Variants in PRCC observed in about 807,000 individuals in gnomAD.
PRCC encodes the protein proline rich mitotic checkpoint control factor.
A neutral mutation model predicts 44.0 loss-of-function variants in PRCC; 10 were observed. The ratio of observed to expected loss-of-function variants is 0.23; its 90% CI spans 0.14 to 0.39. The LOEUF (loss-of-function observed/expected upper bound fraction) is 0.39. PRCC is among the 10% of genes least tolerant of loss of function. PRCC has a pLI of 1.00. For synonymous variants in PRCC, 278 were observed against 259.5 expected (o/e 1.07, Z -0.69); for missense variants, 573 against 624.7 (o/e 0.92, Z 0.88).
In PRCC at chr1:156,774,157, C is replaced by CTTTTTTTTTTTTTTT. The variant is rs76271348; in HGVS notation, c.468+5940_468+5954dup. Among the ~76,000 whole-genome samples, 19 of 54,002 alleles carry CTTTTTTTTTTTTTTT rather than the reference C, an allele frequency of 3.5e-4. 3 individuals are homozygous for CTTTTTTTTTTTTTTT. The highest frequency in any genetic ancestry group is 6.0e-4 in the South Asian group (1 of 1,664). 35.4% of individuals were successfully genotyped at this position (54,002 alleles called of 152,430 possible). A position where few individuals can be genotyped will look rare whatever the true frequency, so the allele number is the denominator to read the frequency against. Reference sequence around the variant, plus strand: ...GAGTTTCTTTCTTTTTTTGAGTCACCTTTTTTTTTTTTTTTTTTTTTTTTT... The same window carrying CTTTTTTTTTTTTTTT: ...GAGTTTCTTTCTTTTTTTGAGTCACCTTTTTTTTTTTTTTTTTTTTTTTTTTTTTTTTTTTTTTTT... On this transcript the variant is annotated intron_variant, in intron 1 of 6. Coordinates refer to ENST00000271526, the MANE Select transcript of PRCC (RefSeq NM_005973.5).
At position 156,786,595 on chromosome 1, in the gene PRCC, C is replaced by G. The variant is rs1652251363; in HGVS notation, c.517-13C>G. The stretch of plus-strand genomic sequence containing the variant: ...ATCTTTCTTTCCTCCTATCCCACAC[C>G]TGGGCTCACCAGGGATCCAGTGAGG... On this transcript the variant is annotated splice_polypyrimidine_tract_variant and intron_variant, in intron 2 of 6. Transcript: ENST00000271526. The G allele has an allele frequency of 1.9e-6, 3 of 1,601,154 alleles. No homozygotes were observed. Among genetic ancestry groups the G allele is most frequent in the Non-Finnish European group, 2.6e-6 (3 of 1,170,596 alleles).
chr1:156,775,511 A>AT (rs1185732839), intron 1 of PRCC, among the ~76,000 whole-genome samples: 5 of 132,980 alleles, frequency 3.8e-5, no homozygotes, highest in Non-Finnish European at 6.7e-5. Context: ...GCCGATTTAA[A>AT]ATTTTTTTTT....
intron 4 of PRCC, among the ~76,000 whole-genome samples, chr1:156,792,220 C>T (rs1322739425): frequency 2.6e-5 from 4 of 151,834 alleles, no homozygotes; most frequent in African/African-American, 4.8e-5. Flanking sequence ...TTCTGATCAT[C>T]GCTTTGCCAT....
chr1:156,797,429 G>A, intron 6 of PRCC, 88 bp downstream of exon 6: 1 of 1,507,712 alleles, frequency 6.6e-7, no homozygotes, highest in Non-Finnish European at 9.2e-7. Context: ...AAGCCCAGAT[G>A]CTTATCTTTT....
At position 156,768,218 on chromosome 1, in the gene PRCC, G is replaced by T. The variant is rs188128205; in HGVS notation, c.447G>T (p.Ala149=). Residue 149 remains alanine (A), a synonymous_variant, in exon 1 of 7, where the codon GCG becomes GCT. Transcript: ENST00000271526. ...GGAAAGAGCCCGTGAAGATCGCGGC[G>T]CCGGAGTTGCATAAGGGAGATGTGA... ...KKRKEPVKIA[A]PELHKGDSDS... 6 of 1,543,140 alleles carry T rather than the reference G, an allele frequency of 3.9e-6. No individual in the cohort carries two copies. Among genetic ancestry groups the T allele is most frequent in the African/African-American group, 1.4e-5 (1 of 73,206 alleles).
chr1:156,793,954 CTTTTTTTTTTTTT>C (rs147637460), intron 4 of PRCC, among the ~76,000 whole-genome samples: 3 of 101,436 alleles, frequency 3.0e-5, no homozygotes, highest in Non-Finnish European at 5.8e-5. Context: ...TTCTTTCTTT[CTTTTTTTTTTTTT>C]TTTTTTGGAG....
intron 4 of PRCC, among the ~76,000 whole-genome samples, chr1:156,793,135 A>G (rs1652549502): frequency 6.6e-6 from 1 of 152,204 alleles, no homozygotes; most frequent in African/African-American, 2.4e-5. Flanking sequence ...TTTCCCAGAA[A>G]GGTGTCCATC....
chr1:156,772,249 T>C (rs894942644), intron 1 of PRCC, among the ~76,000 whole-genome samples: 1 of 152,222 alleles, frequency 6.6e-6, no homozygotes, highest in Non-Finnish European at 1.5e-5. Flanking sequence ...TTCTTTCCTT[T>C]TAGAGATCAG....
chr1:156,800,750 C>A lies in PRCC; in HGVS notation c.*290C>A. ...AGGTGTGATAAAATGTTGAACCCTC[C>A]CCACCACCACTTTTTTTTTTTTAAA... On this transcript the variant is annotated 3_prime_UTR_variant, in exon 7 of 7. Coordinates refer to ENST00000271526, the MANE Select transcript of PRCC (RefSeq NM_005973.5). 3.0e-6 allele frequency: 1 copy of A among 334,656 alleles called. No homozygotes were observed. Among genetic ancestry groups the A allele is most frequent in the Non-Finnish European group, 5.5e-6 (1 of 181,268 alleles). The allele number at this position is 334,656 out of a possible 1,614,324, so 20.7% of individuals were successfully genotyped here.
At position 156,797,320 on chromosome 1, in the gene PRCC, G is replaced by T. The variant is rs777304094; in HGVS notation, c.1368G>T (p.Gln456His). The T allele has an allele frequency of 6.2e-7, 1 of 1,614,208 alleles. No individual in the cohort carries two copies. The highest frequency in any genetic ancestry group is 1.1e-5 in the South Asian group (1 of 91,082). ...QPTGQQRRKHQITYLIHQAKE... is the reference protein window; with the variant it reads ...QPTGQQRRKHHITYLIHQAKE... Reference sequence around the variant, plus strand: ...CAGGCCAGCAGCGGCGGAAACACCAGATCACATATCTTATTCATCAGGTGA... The same window carrying T: ...CAGGCCAGCAGCGGCGGAAACACCATATCACATATCTTATTCATCAGGTGA... Residue 456 changes from glutamine to histidine, a missense_variant, in exon 6 of 7, where the codon CAG becomes CAT. Gln to His is a conservative substitution (Grantham distance 24). Coordinates refer to ENST00000271526, the MANE Select transcript of PRCC (RefSeq NM_005973.5).
At chr1:156,796,907 C>T (rs918630709) in intron 5 of PRCC, 1 of 202,236 alleles carries the variant, frequency 4.9e-6, no homozygotes, top group African/African-American at 2.3e-5. Flanking sequence ...CAAACTGTTT[C>T]AGACTGACTG....
At chr1:156,768,948 A>T (rs1210264737) in intron 1 of PRCC, among the ~76,000 whole-genome samples, 1 of 152,186 alleles carries the variant, frequency 6.6e-6, no homozygotes, top group East Asian at 1.9e-4. Flanking sequence ...TTCATCATTT[A>T]GCTATGGTCA....
intron 2 of PRCC, among the ~76,000 whole-genome samples, chr1:156,785,507 C>T (rs1279994539): frequency 3.3e-5 from 5 of 149,332 alleles, no homozygotes; most frequent in South Asian, 2.1e-4. Context: ...AGCGAGACTC[C>T]GACCAAAAAA....
At chr1:156,796,476 G>A (rs1230192736) in intron 5 of PRCC, 5 of 152,310 alleles carry the variant, frequency 3.3e-5, no homozygotes, top group African/African-American at 9.6e-5. Flanking sequence ...GGAGTTTTGG[G>A]AGTTGGGTGG....
chr1:156,774,123 A>T (rs1203826326), intron 1 of PRCC, among the ~76,000 whole-genome samples: 1 of 133,292 alleles, frequency 7.5e-6, no homozygotes, highest in Non-Finnish European at 1.6e-5. Context: ...TTACTGTTTA[A>T]TGGGTGCGGA....
chr1:156,769,933 A>T (rs1651565929), intron 1 of PRCC, among the ~76,000 whole-genome samples: 1 of 150,468 alleles, frequency 6.6e-6, no homozygotes, highest in Non-Finnish European at 1.5e-5. Flanking sequence ...CTTCTTTCAC[A>T]CCTGAGAGTC....
At chr1:156,793,319 C>T (rs1652554621) in intron 4 of PRCC, among the ~76,000 whole-genome samples, 1 of 152,126 alleles carries the variant, frequency 6.6e-6, no homozygotes, top group Non-Finnish European at 1.5e-5. Context: ...GTATAGAAGG[C>T]CTCACTAATG....
intron 1 of PRCC, among the ~76,000 whole-genome samples, chr1:156,772,882 T>G (rs564378864): frequency 6.6e-6 from 1 of 152,212 alleles, no homozygotes; most frequent in Non-Finnish European, 1.5e-5. Context: ...AACAGGAGTT[T>G]AGAGAACAGA....
chr1:156,781,387 C>G (rs1251583988), intron 1 of PRCC, among the ~76,000 whole-genome samples: 2 of 152,184 alleles, frequency 1.3e-5, no homozygotes, highest in East Asian at 3.8e-4. Context: ...TGAATGGGAT[C>G]TGAGATTTTG....
Sources: allele counts gnomAD v4.1 joint callset (sites outside exome capture counted in the v4.1 genomes callset), GRCh38; gene constraint gnomAD v4.1.1; transcripts MANE v1.5; gene names NCBI Gene and HGNC (gene_info 2026-07-23, HGNC 2026-07-21).